Variants in NT5C2 observed in about 807,000 individuals in gnomAD.
NT5C2 encodes the protein cytosolic purine 5'-nucleotidase.
A neutral mutation model predicts 76.1 loss-of-function variants in NT5C2; 58 were observed. The observed-to-expected ratio is 0.76, with a 90% CI of 0.62 to 0.95. NT5C2 has a LOEUF of 0.95. NT5C2 is among the 40% of genes least tolerant of loss of function. NT5C2 has a pLI of 0.00. For missense variants in NT5C2, 478 were observed against 690.3 expected, an observed-to-expected ratio of 0.69 and a Z score of 3.45; for synonymous variants, 229 against 237.4, an observed-to-expected ratio of 0.96 and a Z score of 0.32.
rs537850541 is a variant in NT5C2, at chr10:103,109,174, A to G, written c.176-2468T>C. Among the ~76,000 whole-genome samples the G allele has an allele frequency of 7.9e-5, 12 of 152,210 alleles. No individual in the cohort carries two copies. The East Asian group carries it at 2.1e-3, about 27-fold the overall frequency. On this transcript the variant is annotated intron_variant, in intron 4 of 18. Transcript: ENST00000404739. ...ATGGCTAACATTTTCAAAACTGGCT[A>G]TATTACCTTCTTCCCCTTAAATCCT...
At chr10:103,162,761 C>T (rs568450293) in intron 3 of NT5C2, among the ~76,000 whole-genome samples, 1 of 152,016 alleles carries the variant, frequency 6.6e-6, no homozygotes, top group Admixed American at 6.6e-5. Context: ...TTTATAACAG[C>T]ATTATTCTTA....
At chr10:103,149,226 AG>A (rs1477471735) in intron 3 of NT5C2, among the ~76,000 whole-genome samples, 3 of 152,244 alleles carry the variant, frequency 2.0e-5, no homozygotes, top group Non-Finnish European at 4.4e-5. Context: ...TGCCAGATAT[AG>A]CCCAGTTTCT....
intron 1 of NT5C2, among the ~76,000 whole-genome samples, chr10:103,186,138 T>C (rs1041831868): frequency 1.3e-5 from 2 of 152,204 alleles, no homozygotes; most frequent in African/African-American, 4.8e-5. Flanking sequence ...GAGTACGGAT[T>C]CTGGAGCCAC....
chr10:103,153,755 C>A, intron 3 of NT5C2: 1 of 982,086 alleles, frequency 1.0e-6, no homozygotes, highest in Non-Finnish European at 1.2e-6. Context: ...ACTCTGGGAG[C>A]AAAAAACACA....
At chr10:103,123,443 G>A (rs1430275349) in intron 4 of NT5C2, among the ~76,000 whole-genome samples, 1 of 152,050 alleles carries the variant, frequency 6.6e-6, no homozygotes, top group Non-Finnish European at 1.5e-5. Flanking sequence ...GAGGGATCTC[G>A]AACTCCTGGG....
intron 1 of NT5C2, among the ~76,000 whole-genome samples, chr10:103,184,925 GCTC>G (rs1285692127): frequency 6.6e-6 from 1 of 152,154 alleles, no homozygotes; most frequent in Non-Finnish European, 1.5e-5. Context: ...GCAGCTACAT[GCTC>G]CTATCTGTAG....
intron 4 of NT5C2, among the ~76,000 whole-genome samples, chr10:103,134,919 A>G (rs2078900349): frequency 6.6e-6 from 1 of 152,200 alleles, no homozygotes; most frequent in Non-Finnish European, 1.5e-5. Flanking sequence ...GCCCCACTGG[A>G]TTTCAAACTT....
At chr10:103,090,576 G>A (rs938704362) in intron 18 of NT5C2, 35 bp downstream of exon 18, 5 of 1,585,484 alleles carry the variant, frequency 3.2e-6, no homozygotes, top group Middle Eastern at 3.7e-4. Context: ...TGGGCTTAGA[G>A]TACATCTTGG....
At chr10:103,120,739 T>G (rs2075491413) in intron 4 of NT5C2, among the ~76,000 whole-genome samples, 1 of 152,220 alleles carries the variant, frequency 6.6e-6, no homozygotes, top group Non-Finnish European at 1.5e-5. Flanking sequence ...GGCAGTTCTT[T>G]AAAAAGCTAA....
intron 4 of NT5C2, among the ~76,000 whole-genome samples, chr10:103,129,581 T>G (rs1247898996): frequency 4.5e-5 from 4 of 89,528 alleles, no homozygotes; most frequent in Admixed American, 1.1e-4. Context: ...GGTGGGGGTG[T>G]CAGCCCCCCG....
intron 1 of NT5C2, among the ~76,000 whole-genome samples, chr10:103,187,092 A>T (rs867635700): frequency 1.3e-5 from 2 of 151,992 alleles, no homozygotes; most frequent in East Asian, 3.9e-4. Context: ...TCTACTAAAA[A>T]TACAAAAATT....
At chr10:103,114,904 A>G (rs1327499490) in intron 4 of NT5C2, among the ~76,000 whole-genome samples, 1 of 152,206 alleles carries the variant, frequency 6.6e-6, no homozygotes, top group East Asian at 1.9e-4. Flanking sequence ...TAGGTAACCA[A>G]CTACAGTATT....
intron 4 of NT5C2, among the ~76,000 whole-genome samples, chr10:103,129,040 C>G (rs1468023415): frequency 1.9e-4 from 23 of 119,298 alleles, no homozygotes; most frequent in African/African-American, 6.8e-4. Context: ...GGTCAGCCCC[C>G]CCGACCGGCC....
At chr10:103,167,548 G>A (rs763058205) in intron 3 of NT5C2, among the ~76,000 whole-genome samples, 1 of 151,998 alleles carries the variant, frequency 6.6e-6, no homozygotes, top group Non-Finnish European at 1.5e-5. Context: ...AATTAAAATT[G>A]ATCAACCTGG....
intron 18 of NT5C2, 156 bp from the exon 19 acceptor site, chr10:103,090,064 T>C (rs1440386449): frequency 1.9e-6 from 1 of 529,956 alleles, no homozygotes; most frequent in Non-Finnish European, 3.2e-6. Flanking sequence ...GAACTACTTA[T>C]AGTTGCCTGT....
At chr10:103,115,927 T>A (rs1328902420) in intron 4 of NT5C2, among the ~76,000 whole-genome samples, 3 of 152,124 alleles carry the variant, frequency 2.0e-5, no homozygotes, top group African/African-American at 7.2e-5. Context: ...CACTGAAGTA[T>A]TATTTCTTTT....
intron 3 of NT5C2, chr10:103,153,196 C>T (rs1053069566): frequency 5.9e-6 from 5 of 848,876 alleles, no homozygotes; most frequent in Non-Finnish European, 7.9e-6. Flanking sequence ...CCTCCACTCT[C>T]GGACTGGTAG....
rs1221828740 is a variant in NT5C2 at position 103,128,090 on chromosome 10, T to TCC, written c.175+11315_175+11316insGG. Among the ~76,000 whole-genome samples the TCC allele has an allele frequency of 7.4e-5, 10 of 134,878 alleles. No homozygotes were observed. The East Asian group carries it at 1.2e-3, about 17-fold the overall frequency. 88.5% of individuals were successfully genotyped at this position (134,878 alleles called of 152,430 possible). A position where few individuals can be genotyped will look rare whatever the true frequency, so the allele number is the denominator to read the frequency against. On this transcript the variant is annotated intron_variant, in intron 4 of 18. Coordinates refer to ENST00000404739, the MANE Select transcript of NT5C2 (RefSeq NM_001351169.2). ...CTCCCTCTCCCTCTCCCTCTCCCTC[T>TCC]GTCTCCCTCTCCCCACGGTCTCCCT...
chr10:103,183,264 T>G lies in NT5C2; in HGVS notation c.-168-1936A>C, dbSNP rs574190728. Among the ~76,000 whole-genome samples the G allele has an allele frequency of 1.0e-3, 82 of 78,776 alleles. 1 individual carries two copies. The highest frequency in any genetic ancestry group is 0.012 in the Middle Eastern group (2 of 162). The allele number at this position is 78,776 out of a possible 152,430, so 51.7% of individuals were successfully genotyped here. ...GATATATATATATGTGTGTGTGTGA[T>G]ATATATATATATATATATATATATA... On this transcript the variant is annotated intron_variant, in intron 1 of 18. Coordinates refer to ENST00000404739, the MANE Select transcript of NT5C2 (RefSeq NM_001351169.2).
Sources: allele counts gnomAD v4.1 joint callset (sites outside exome capture counted in the v4.1 genomes callset), GRCh38; gene constraint gnomAD v4.1.1; transcripts MANE v1.5; gene names NCBI Gene and HGNC (gene_info 2026-07-23, HGNC 2026-07-21).